DPYD: variants seen among roughly 807,000 people sequenced by gnomAD.
DPYD encodes the protein dihydropyrimidine dehydrogenase, also known as dihydropyrimidine dehydrogenase [NADP(+)].
In DPYD, 109 loss-of-function variants were observed where a neutral mutation model predicts 116.2. The observed-to-expected ratio is 0.94, with a 90% confidence interval of 0.80 to 1.10. The LOEUF (loss-of-function observed/expected upper bound fraction) is 1.10, where lower values mean the gene tolerates loss of function less well. DPYD is among the 50% of genes least tolerant of loss of function. DPYD has a pLI of 0.00. For synonymous variants in DPYD, 440 were observed against 432.0 expected, an observed-to-expected ratio of 1.02 and a Z score of -0.23; for missense variants, 1,302 against 1,254.5, an observed-to-expected ratio of 1.04 and a Z score of -0.57.
intron 3 of DPYD, among the ~76,000 whole-genome samples, chr1:97,803,211 A>G (rs1667927677): frequency 2.0e-5 from 3 of 151,886 alleles, no homozygotes; most frequent in Non-Finnish European, 4.4e-5. Context: ...GTCAGGAGGA[A>G]TGCCACGACT....
intron 3 of DPYD, among the ~76,000 whole-genome samples, chr1:97,817,033 C>A (rs1475409991): frequency 6.6e-6 from 1 of 152,178 alleles, no homozygotes; most frequent in East Asian, 1.9e-4. Flanking sequence ...CAGGGGTCTG[C>A]AAACTACAAC....
chr1:97,317,872 C>A (rs1177258842), intron 16 of DPYD, among the ~76,000 whole-genome samples: 2 of 151,972 alleles, frequency 1.3e-5, no homozygotes, highest in East Asian at 3.9e-4. Context: ...AAACTGCAAT[C>A]CCTTGGCAAT....
At chr1:97,732,535 A>C (rs1663687603) in intron 4 of DPYD, among the ~76,000 whole-genome samples, 1 of 152,016 alleles carries the variant, frequency 6.6e-6, no homozygotes, top group African/African-American at 2.4e-5. Flanking sequence ...TCAAAACAGA[A>C]GCAAGATACA....
intron 8 of DPYD, among the ~76,000 whole-genome samples, chr1:97,669,836 C>A (rs1456841766): frequency 2.6e-5 from 4 of 152,140 alleles, no homozygotes; most frequent in Admixed American, 2.6e-4. Context: ...CTAGTTTCCT[C>A]CAACTTGCAT....
At chr1:97,141,097 G>A (rs1654182392) in intron 20 of DPYD, among the ~76,000 whole-genome samples, 1 of 152,090 alleles carries the variant, frequency 6.6e-6, no homozygotes, top group Admixed American at 6.6e-5. Context: ...ATCCAAAATG[G>A]AATGGGAAGT....
chr1:97,117,024 C>A (rs1271349788), intron 20 of DPYD, among the ~76,000 whole-genome samples: 1 of 150,458 alleles, frequency 6.6e-6, no homozygotes, highest in Non-Finnish European at 1.5e-5. Flanking sequence ...ATTAGCCAGG[C>A]ATAGTGGTGT....
At chr1:97,530,214 CTTTTTTTTTT>C (rs57740723) in intron 12 of DPYD, among the ~76,000 whole-genome samples, 13,198 of 113,054 alleles carry the variant, frequency 0.12, 753 homozygotes, top group Middle Eastern at 0.25. Context: ...CTTTTTTTTT[CTTTTTTTTTT>C]TTTTTTTTTT....
chr1:97,731,946 G>T (rs1196902147), intron 4 of DPYD, among the ~76,000 whole-genome samples: 1 of 151,598 alleles, frequency 6.6e-6, no homozygotes, highest in Non-Finnish European at 1.5e-5. Context: ...GTTTAAATTT[G>T]TCTATACTAT....
intron 5 of DPYD, 82 bp downstream of exon 5, chr1:97,721,428 G>A: frequency 6.5e-7 from 1 of 1,543,786 alleles, no homozygotes; most frequent in Non-Finnish European, 8.9e-7. Context: ...GGTATCAACA[G>A]AGCACCAAGG....
At chr1:97,133,263 TTA>T (rs1653472671) in intron 20 of DPYD, among the ~76,000 whole-genome samples, 1 of 152,106 alleles carries the variant, frequency 6.6e-6, no homozygotes, top group Non-Finnish European at 1.5e-5. Flanking sequence ...ATTTTACAAT[TTA>T]TTAAAGCAGA....
chr1:97,824,470 T>C (rs956606257), intron 3 of DPYD, among the ~76,000 whole-genome samples: 2 of 152,186 alleles, frequency 1.3e-5, no homozygotes, highest in African/African-American at 4.8e-5. Flanking sequence ...TATTTAAATT[T>C]AAATTAATAA....
chr1:97,555,224 T>C (rs1406949386), intron 11 of DPYD, among the ~76,000 whole-genome samples: 1 of 152,094 alleles, frequency 6.6e-6, no homozygotes, highest in Non-Finnish European at 1.5e-5. Flanking sequence ...CTGTCCTTCT[T>C]GGGCTCTAGC....
chr1:97,489,717 G>A (rs952501), intron 13 of DPYD, among the ~76,000 whole-genome samples: 27,297 of 152,110 alleles, frequency 0.18, 2,621 homozygotes, highest in East Asian at 0.26. Flanking sequence ...AAGAGTACTT[G>A]ACACATGCAT....
intron 16 of DPYD, among the ~76,000 whole-genome samples, chr1:97,354,237 T>G (rs1670300586): frequency 6.6e-6 from 1 of 152,166 alleles, no homozygotes; most frequent in African/African-American, 2.4e-5. Context: ...AGCTGAAAAG[T>G]GCATCCCTTA....
intron 13 of DPYD, among the ~76,000 whole-genome samples, chr1:97,493,148 G>A (rs969768981): frequency 1.3e-5 from 2 of 152,112 alleles, no homozygotes; most frequent in African/African-American, 2.4e-5. Flanking sequence ...CTTCTCTACA[G>A]GAAGTTAAGG....
At chr1:97,634,657 C>A (rs985088403) in intron 8 of DPYD, among the ~76,000 whole-genome samples, 1 of 151,980 alleles carries the variant, frequency 6.6e-6, no homozygotes, top group Admixed American at 6.6e-5. Context: ...CAAAATATAA[C>A]AACAGATGTC....
intron 3 of DPYD, among the ~76,000 whole-genome samples, chr1:97,802,158 G>C (rs1571382364): frequency 6.6e-6 from 1 of 151,968 alleles, no homozygotes; most frequent in Non-Finnish European, 1.5e-5. Flanking sequence ...TATTCAAAAA[G>C]CTTGGCAGTG....
At chr1:97,729,233 C>T (rs1212417774) in intron 4 of DPYD, among the ~76,000 whole-genome samples, 4 of 152,050 alleles carry the variant, frequency 2.6e-5, no homozygotes, top group Admixed American at 6.6e-5. Context: ...CGTACACGAG[C>T]TTTGAAGTCA....
chr1:97,513,991 C>G (rs1648013296), intron 13 of DPYD, among the ~76,000 whole-genome samples: 1 of 151,734 alleles, frequency 6.6e-6, no homozygotes, highest in Admixed American at 6.6e-5. Context: ...ATAGTCTGCA[C>G]AATATTTTGT....
Sources: allele counts gnomAD v4.1 joint callset (sites outside exome capture counted in the v4.1 genomes callset), GRCh38; gene constraint gnomAD v4.1.1; transcripts MANE v1.5; gene names NCBI Gene and HGNC (gene_info 2026-07-23, HGNC 2026-07-21).